The following NCAM2 variants were observed in gnomAD, a reference collection of about 807,000 sequenced individuals.
NCAM2 encodes neural cell adhesion molecule 2.
NCAM2 carries 30 observed loss-of-function variants against 98.1 expected under a neutral mutation model. That is an observed-to-expected ratio of 0.31 (90% CI 0.23 to 0.41). NCAM2 has a LOEUF of 0.41. NCAM2 is among the 10% of genes least tolerant of loss of function. The pLI is 1.00. For missense variants in NCAM2, 867 were observed against 1,005.8 expected (o/e 0.86, Z 1.87); for synonymous variants, 368 against 342.4 (o/e 1.07, Z -0.83).
intron 12 of NCAM2, among the ~76,000 whole-genome samples, chr21:21,435,659 G>T (rs373631190): frequency 6.6e-6 from 1 of 152,060 alleles, no homozygotes; most frequent in Non-Finnish European, 1.5e-5. Context: ...TCTATGAATT[G>T]TCTCAGTTGA....
intron 9 of NCAM2, among the ~76,000 whole-genome samples, chr21:21,384,270 C>T (rs1210610817): frequency 6.6e-6 from 1 of 151,714 alleles, no homozygotes; most frequent in Non-Finnish European, 1.5e-5. Flanking sequence ...ATTATATTTA[C>T]ATATTTTATT....
intron 1 of NCAM2, among the ~76,000 whole-genome samples, chr21:21,279,223 A>G (rs560526944): frequency 6.6e-6 from 1 of 152,216 alleles, no homozygotes. Flanking sequence ...TGGTTTATCT[A>G]ATGAGAAACA....
chr21:21,414,949 CT>C (rs34233053), intron 10 of NCAM2, among the ~76,000 whole-genome samples: 67,887 of 146,920 alleles, frequency 0.46, 15,572 homozygotes, highest in South Asian at 0.55. Flanking sequence ...TGAAGGGAAT[CT>C]TTTTTTTTTT....
At chr21:21,466,877 T>A (rs1983749014) in intron 13 of NCAM2, 152 bp downstream of exon 13, 6 of 795,696 alleles carry the variant, frequency 7.5e-6, no homozygotes, top group Non-Finnish European at 1.2e-5. Flanking sequence ...ACATCTGAGA[T>A]TTATTAACAT....
intron 6 of NCAM2, among the ~76,000 whole-genome samples, chr21:21,332,583 A>G (rs550537832): frequency 2.6e-5 from 4 of 152,240 alleles, no homozygotes; most frequent in East Asian, 3.9e-4. Flanking sequence ...ACACTCATTG[A>G]TCAATACTCA....
intron 6 of NCAM2, among the ~76,000 whole-genome samples, chr21:21,332,335 G>C (rs2074738641): frequency 6.6e-6 from 1 of 152,004 alleles, no homozygotes. Context: ...TTGAGGGAGA[G>C]CTTCCATTTA....
intron 2 of NCAM2, among the ~76,000 whole-genome samples, chr21:21,283,314 C>T (rs187640978): frequency 1.3e-5 from 2 of 152,004 alleles, no homozygotes; most frequent in Admixed American, 6.6e-5. Flanking sequence ...ATTTCCACAT[C>T]GATACTTTTG....
At chr21:21,189,936 A>G (rs536566196) in intron 1 of NCAM2, among the ~76,000 whole-genome samples, 4 of 152,264 alleles carry the variant, frequency 2.6e-5, no homozygotes, top group African/African-American at 9.6e-5. Flanking sequence ...CTGCCTAGTT[A>G]CTCAGAAACT....
At chr21:21,075,134 C>T (rs574241127) in intron 1 of NCAM2, among the ~76,000 whole-genome samples, 31 of 152,160 alleles carry the variant, frequency 2.0e-4, no homozygotes, top group Admixed American at 1.9e-3. Flanking sequence ...GGGAGTTGAA[C>T]AATGAGAATA....
In NCAM2 at chr21:21,063,579, G is replaced by C. The variant is rs951836122; in HGVS notation, c.55+64961G>C. Among the ~76,000 whole-genome samples the C allele has an allele frequency of 4.6e-4, 67 of 147,032 alleles. 1 individual carries two copies. The highest frequency in any genetic ancestry group is 6.1e-5 in the Non-Finnish European group (4 of 66,066). On this transcript the variant is annotated intron_variant, in intron 1 of 17. Coordinates refer to ENST00000400546, the MANE Select transcript of NCAM2 (RefSeq NM_004540.5). ...ATGGGGAAGATTAAAAATGAATATAGAAAGTGTCAAAAAAAAATAAATTTT... is the reference window on the plus strand; with the variant it reads ...ATGGGGAAGATTAAAAATGAATATACAAAGTGTCAAAAAAAAATAAATTTT...
chr21:21,018,284 TAGTC>T (rs1288515837), intron 1 of NCAM2, among the ~76,000 whole-genome samples: 2 of 152,196 alleles, frequency 1.3e-5, no homozygotes, highest in Non-Finnish European at 2.9e-5. Context: ...CATCAAAACA[TAGTC>T]AGTGAATATA....
chr21:21,511,304 C>G (rs560674032), intron 16 of NCAM2, among the ~76,000 whole-genome samples: 34 of 152,130 alleles, frequency 2.2e-4, no homozygotes, highest in African/African-American at 8.2e-4. Flanking sequence ...CTAGCCTCTG[C>G]TAACAATTAT....
chr21:21,224,860 T>A (rs546507766), intron 1 of NCAM2, among the ~76,000 whole-genome samples: 1 of 152,264 alleles, frequency 6.6e-6, no homozygotes, highest in East Asian at 1.9e-4. Flanking sequence ...ACCTTAAAAA[T>A]TATCAACTAT....
chr21:21,538,095 C>G lies in NCAM2; in HGVS notation c.*138C>G, dbSNP rs1990082262. The G allele has an allele frequency of 2.4e-6, 1 of 420,972 alleles. No homozygotes were observed. The highest frequency in any genetic ancestry group is 4.3e-6 in the Non-Finnish European group (1 of 230,944). 26.1% of individuals were successfully genotyped at this position (420,972 alleles called of 1,614,324 possible). A position where few individuals can be genotyped will look rare whatever the true frequency, so the allele number is the denominator to read the frequency against. On this transcript the variant is annotated 3_prime_UTR_variant, in exon 18 of 18. Coordinates refer to ENST00000400546, the MANE Select transcript of NCAM2 (RefSeq NM_004540.5). ...TAGCTTGTACACATATACATATGAT[C>G]AAATACTCCTGCCCATGATCCATTC...
chr21:21,060,674 T>C (rs1447181832), intron 1 of NCAM2, among the ~76,000 whole-genome samples: 1 of 152,162 alleles, frequency 6.6e-6, no homozygotes, highest in Non-Finnish European at 1.5e-5. Context: ...TTCCTTTTAA[T>C]ATGGTGTGGT....
chr21:21,470,900 A>G (rs1184757145), intron 14 of NCAM2, among the ~76,000 whole-genome samples: 3 of 152,074 alleles, frequency 2.0e-5, no homozygotes, highest in Admixed American at 2.0e-4. Flanking sequence ...TGCAAAGGGA[A>G]TGATTCCATA....
chr21:21,436,418 T>A (rs1249301013), intron 12 of NCAM2, among the ~76,000 whole-genome samples: 1 of 152,202 alleles, frequency 6.6e-6, no homozygotes, highest in Non-Finnish European at 1.5e-5. Flanking sequence ...ACAGTAAAAT[T>A]CCCTCTTCCT....
chr21:21,537,127 C>T (rs1029689561), intron 17 of NCAM2, among the ~76,000 whole-genome samples: 2 of 151,678 alleles, frequency 1.3e-5, no homozygotes, highest in African/African-American at 4.9e-5. Context: ...GAGATGGAGT[C>T]TTGCTCTGTT....
intron 10 of NCAM2, among the ~76,000 whole-genome samples, chr21:21,414,501 C>T (rs777861795): frequency 7.2e-5 from 10 of 139,362 alleles, no homozygotes; most frequent in Admixed American, 1.5e-4. Flanking sequence ...GAGGGAGTCT[C>T]GCTCTGTCGC....
Sources: gnomAD v4.1 joint callset for allele counts (sites outside exome capture counted in the v4.1 genomes callset) on GRCh38, gnomAD v4.1.1 for gene constraint, MANE v1.5 for transcripts, NCBI Gene and HGNC (gene_info 2026-07-23, HGNC 2026-07-21) for gene names.